The following HEATR4 variants were observed in gnomAD, a reference collection of about 807,000 sequenced individuals.
HEATR4 encodes the protein HEAT repeat-containing protein 4.
Under a neutral mutation model 108.8 loss-of-function variants are expected in HEATR4, and 95 were observed. The ratio of observed to expected loss-of-function variants is 0.87; its 90% CI spans 0.74 to 1.04. The LOEUF is 1.04. Ranked by LOEUF, HEATR4 falls within the 50% of genes least tolerant of loss-of-function variation. The pLI, the probability that HEATR4 is intolerant of heterozygous loss-of-function variation, is 0.00. For missense variants in HEATR4, 1,152 were observed against 1,253.8 expected (o/e 0.92, Z 1.23); for synonymous variants, 443 against 459.4 (o/e 0.96, Z 0.46).
chr14:73,484,839 C>T (rs577128528), intron 17 of HEATR4, among the ~76,000 whole-genome samples: 11 of 151,130 alleles, frequency 7.3e-5, no homozygotes, highest in Non-Finnish European at 1.3e-4. Flanking sequence ...CACAGACACA[C>T]ACACACACAC....
Position 73,500,547 on chromosome 14 carries a change from C to T in HEATR4, c.2286+3G>A. The T allele has an allele frequency of 6.2e-7, 1 of 1,611,914 alleles. No homozygotes were observed. Among genetic ancestry groups the T allele is most frequent in the Non-Finnish European group, 8.5e-7 (1 of 1,179,188 alleles). On this transcript the variant is annotated splice_donor_region_variant and intron_variant, in intron 12 of 17. Coordinates refer to ENST00000553558, the MANE Select transcript of HEATR4 (RefSeq NM_001220484.1). Reference sequence around the variant, plus strand: ...AAGATGAGAATATGTTTCCCTGACTCACCATCTTGTCGCGGATCTGCAGGG... The same window carrying T: ...AAGATGAGAATATGTTTCCCTGACTTACCATCTTGTCGCGGATCTGCAGGG...
upstream of HEATR4, among the ~76,000 whole-genome samples, chr14:73,559,483 C>T (rs1162272748): frequency 6.6e-6 from 1 of 151,750 alleles, no homozygotes; most frequent in Non-Finnish European, 1.5e-5. Context: ...GCAATTTCAG[C>T]GCTTTGGGAG....
At chr14:73,495,485 AGGAG>A (rs1357351919) in intron 15 of HEATR4, 98 bp from the exon 16 acceptor site, 1 of 987,670 alleles carries the variant, frequency 1.0e-6, no homozygotes, top group Non-Finnish European at 1.5e-6. Flanking sequence ...TAGGAGGCTG[AGGAG>A]GGAGGATCAC....
the HEATR4 span, chr14:73,595,256 G>A: frequency 1.6e-5 from 26 of 1,614,024 alleles, no homozygotes; most frequent in South Asian, 9.9e-5. Flanking sequence ...CTCAGGCCTC[G>A]TGGACATTGT....
the HEATR4 span, among the ~76,000 whole-genome samples, chr14:73,585,689 CA>C: frequency 7.3e-6 from 1 of 137,378 alleles, no homozygotes; most frequent in African/African-American, 3.3e-5. Flanking sequence ...ACTAGAACCC[CA>C]AAAAAATTAA....
At chr14:73,491,294 C>G (rs1451622753) in intron 17 of HEATR4, 1 of 1,543,020 alleles carries the variant, frequency 6.5e-7, no homozygotes, top group East Asian at 2.5e-5. Context: ...GGACGCAGCC[C>G]GGCGAGAGCC....
At chr14:73,524,310 A>AAAAAATATATATATATATAT in intron 2 of HEATR4, among the ~76,000 whole-genome samples, 1 of 54,778 alleles carries the variant, frequency 1.8e-5, no homozygotes, top group Non-Finnish European at 3.1e-5. Context: ...AAAAAAAAAA[A>AAAAAATATATATATATATAT]ATATATATAT....
intron 17 of HEATR4, among the ~76,000 whole-genome samples, chr14:73,490,793 CTTGT>C (rs1268789486): frequency 6.6e-6 from 1 of 152,182 alleles, no homozygotes; most frequent in East Asian, 1.9e-4. Flanking sequence ...GTGTAGATTC[CTTGT>C]TTGTTTGGCA....
At chr14:73,563,550 G>A (rs190305137), upstream of HEATR4, among the ~76,000 whole-genome samples, 481 of 152,062 alleles carry the variant, frequency 3.2e-3, no homozygotes, top group African/African-American at 0.011. Context: ...AGCTGAGATC[G>A]CGCCACTGCA....
At chr14:73,594,400 C>T in the HEATR4 span, among the ~76,000 whole-genome samples, 1 of 151,752 alleles carries the variant, frequency 6.6e-6, no homozygotes, top group African/African-American at 2.4e-5. Context: ...TCAGTCAGAC[C>T]TACCTGAATG....
Position 73,522,922 on chromosome 14 carries a change from C to T in HEATR4, c.231G>A (p.Val77=), listed in dbSNP as rs1291788931. The T allele has an allele frequency of 2.0e-5, 32 of 1,614,076 alleles. No homozygotes were observed. Among genetic ancestry groups the T allele is most frequent in the Non-Finnish European group, 2.6e-5 (31 of 1,180,038 alleles). Residue 77 remains valine (V), a synonymous_variant, in exon 3 of 18, where the codon GTG becomes GTA. Coordinates refer to ENST00000553558, the MANE Select transcript of HEATR4 (RefSeq NM_001220484.1). ...TGCTGGGCAGGCCTCGCTGCCACAC[C>T]ACCTCCTGAGAGAAGGTAAGGTTTG... The part of the protein sequence containing the change: ...AAANLTFSQE[V]VWQRGLPSIP...
chr14:73,528,184 C>T (rs1326697084), intron 2 of HEATR4, among the ~76,000 whole-genome samples: 1 of 151,746 alleles, frequency 6.6e-6, no homozygotes, highest in Non-Finnish European at 1.5e-5. Flanking sequence ...CACCTGAGGT[C>T]AGGAGTTTGA....
At chr14:73,491,658 C>T (rs1334891478) in intron 17 of HEATR4, 6 of 1,549,836 alleles carry the variant, frequency 3.9e-6, no homozygotes, top group South Asian at 2.4e-5. Context: ...GCGCCCATGC[C>T]GCCAGATCAC....
At position 73,478,542 on chromosome 14, in the gene HEATR4, T is replaced by TA. The variant is rs1885103690; in HGVS notation, c.*63dup. ...GACAACAAGATTGTACAGTATCAATTAAAAAGACCCAATGTGACCAGGTCC... is the reference window on the plus strand; with the variant it reads ...GACAACAAGATTGTACAGTATCAATTAAAAAAGACCCAATGTGACCAGGTCC... On this transcript the variant is annotated 3_prime_UTR_variant, in exon 18 of 18. Transcript: ENST00000553558. The TA allele has an allele frequency of 3.8e-6, 4 of 1,066,054 alleles. No homozygotes were observed. Among genetic ancestry groups the TA allele is most frequent in the Non-Finnish European group, 5.7e-6 (4 of 703,040 alleles). The allele number at this position is 1,066,054 out of a possible 1,614,324, so 66.0% of individuals were successfully genotyped here. A position where few individuals can be genotyped will look rare whatever the true frequency, so the allele number is the denominator to read the frequency against.
At position 73,534,942 on chromosome 14, in the gene HEATR4, C is replaced by T. The variant is rs1425613926; in HGVS notation, c.-151-4698G>A. ...AACTACAGGCATCTACCACTGCATT[C>T]AGCTACTGGGGGAGTGTTTGACTAG... is the stretch of plus-strand genomic sequence containing the variant. On this transcript the variant is annotated intron_variant, in intron 1 of 17. Coordinates refer to ENST00000553558, the MANE Select transcript of HEATR4 (RefSeq NM_001220484.1). Among the ~76,000 whole-genome samples the T allele has an allele frequency of 3.3e-4, 37 of 112,006 alleles. 11 individuals are homozygous for T. The highest frequency in any genetic ancestry group is 1.1e-3 in the African/African-American group (37 of 34,488). The allele number at this position is 112,006 out of a possible 152,430, so 73.5% of individuals were successfully genotyped here. A position where few individuals can be genotyped will look rare whatever the true frequency, so the allele number is the denominator to read the frequency against.
At chr14:73,605,559 T>C in the HEATR4 span, among the ~76,000 whole-genome samples, 7 of 68,784 alleles carry the variant, frequency 1.0e-4, no homozygotes, top group South Asian at 5.2e-4. Flanking sequence ...TAAGATTCTT[T>C]TTTTTTTTTT....
rs1449347374 is a variant in HEATR4, at chr14:73,553,995, G to A, written c.-152+4756C>T. Among the ~76,000 whole-genome samples the A allele has an allele frequency of 8.7e-5, 10 of 115,254 alleles. 2 individuals are homozygous for A. Among genetic ancestry groups the A allele is most frequent in the African/African-American group, 2.8e-4 (10 of 35,814 alleles). 75.6% of individuals were successfully genotyped at this position (115,254 alleles called of 152,430 possible). On this transcript the variant is annotated intron_variant, in intron 1 of 17. Transcript: ENST00000553558. ...GATCTTTAATTATCATGACAATGAG[G>A]TTCCCCTCTGCTTTAATCTGTACAC...
At chr14:73,506,113 A>T (rs545202252) in intron 10 of HEATR4, among the ~76,000 whole-genome samples, 1 of 150,934 alleles carries the variant, frequency 6.6e-6, no homozygotes, top group Admixed American at 6.6e-5. Flanking sequence ...CTGGTCTCCA[A>T]CTCCTGACCT....
the HEATR4 span, chr14:73,595,372 CT>C: frequency 6.2e-7 from 1 of 1,614,228 alleles, no homozygotes; most frequent in Non-Finnish European, 8.5e-7. Flanking sequence ...ATGACCATAA[CT>C]GGAGAAGTGA....
Sources: allele counts gnomAD v4.1 joint callset (sites outside exome capture counted in the v4.1 genomes callset), GRCh38; gene constraint gnomAD v4.1.1; transcripts MANE v1.5; gene names NCBI Gene and HGNC (gene_info 2026-07-23, HGNC 2026-07-21).